The following RNF130 variants were observed in gnomAD, a reference collection of about 807,000 sequenced individuals.
The protein encoded by RNF130 is ring finger protein 130, also known as E3 ubiquitin-protein ligase RNF130.
Under a neutral mutation model 44.6 loss-of-function variants are expected in RNF130, and 21 were observed. The ratio of observed to expected loss-of-function variants is 0.47; its 90% confidence interval spans 0.33 to 0.68. The LOEUF is 0.68. Among genes scored for constraint, RNF130 ranks in the 30% least tolerant of loss-of-function variants. The probability of loss-of-function intolerance (pLI) is 0.02; values close to 1 mark genes in which losing one functional copy is unlikely to be tolerated. For missense variants in RNF130, 479 were observed against 560.6 expected, an observed-to-expected ratio of 0.85 and a Z score of 1.47; for synonymous variants, 214 against 210.4, an observed-to-expected ratio of 1.02 and a Z score of -0.15.
exon 8 of RNF130, chr5:179,918,656 C>T (rs918052864): frequency 6.6e-6 from 1 of 151,982 alleles, no homozygotes; most frequent in Non-Finnish European, 1.5e-5. Flanking sequence ...TTTTATAGTA[C>T]GAAGACTATC....
intron 2 of RNF130, among the ~76,000 whole-genome samples, chr5:180,022,604 C>T (rs1018183912): frequency 1.3e-5 from 2 of 152,158 alleles, no homozygotes; most frequent in African/African-American, 2.4e-5. Flanking sequence ...TTGGAAGCCA[C>T]GGCACACATC....
At chr5:179,932,098 G>A (rs911060466) in intron 7 of RNF130, among the ~76,000 whole-genome samples, 1 of 151,952 alleles carries the variant, frequency 6.6e-6, no homozygotes, top group African/African-American at 2.4e-5. Flanking sequence ...AAAATTTCAG[G>A]TATTTAGCTC....
At chr5:179,936,514 C>T (rs946275073) in intron 7 of RNF130, among the ~76,000 whole-genome samples, 5 of 152,128 alleles carry the variant, frequency 3.3e-5, no homozygotes, top group African/African-American at 1.2e-4. Context: ...CAGGTGTGAG[C>T]CACCACACCT....
At chr5:179,944,495 G>C (rs1211659272) in intron 7 of RNF130, among the ~76,000 whole-genome samples, 2 of 151,900 alleles carry the variant, frequency 1.3e-5, no homozygotes, top group Non-Finnish European at 2.9e-5. Context: ...ATGGAGTCTT[G>C]CTCTGCCGCC....
At chr5:179,929,251 C>T (rs1208620724) in intron 7 of RNF130, among the ~76,000 whole-genome samples, 1 of 152,214 alleles carries the variant, frequency 6.6e-6, no homozygotes, top group East Asian at 1.9e-4. Context: ...AGTGCCACCT[C>T]TGTCATGAGC....
chr5:179,992,459 C>G (rs1027163330), intron 3 of RNF130, among the ~76,000 whole-genome samples: 1 of 152,188 alleles, frequency 6.6e-6, no homozygotes, highest in Admixed American at 6.5e-5. Flanking sequence ...ATTGTTAAAG[C>G]TTTCAAATGT....
intron 1 of RNF130, among the ~76,000 whole-genome samples, chr5:180,065,488 C>T (rs913420396): frequency 2.0e-5 from 3 of 152,144 alleles, no homozygotes; most frequent in South Asian, 2.1e-4. Flanking sequence ...AGGCCGGTCA[C>T]GGTGGCTCAC....
intron 6 of RNF130, among the ~76,000 whole-genome samples, chr5:179,968,031 C>G (rs1190577512): frequency 6.6e-6 from 1 of 152,218 alleles, no homozygotes; most frequent in African/African-American, 2.4e-5. Flanking sequence ...CGCGGTGGCT[C>G]ACGCCTGTAA....
At chr5:179,963,312 A>T (rs1762374029) in intron 8 of RNF130, among the ~76,000 whole-genome samples, 159 bp downstream of exon 8, 1 of 152,252 alleles carries the variant, frequency 6.6e-6, no homozygotes, top group African/African-American at 2.4e-5. Flanking sequence ...CTGACTAAAA[A>T]TATATGCTCA....
chr5:180,048,818 A>C (rs11249665), intron 1 of RNF130, among the ~76,000 whole-genome samples: 125,207 of 152,076 alleles, frequency 0.82, 51,889 homozygotes, highest in South Asian at 0.93. Flanking sequence ...CCAGCAGCAA[A>C]TGAAGTCACA....
chr5:179,984,529 C>T (rs184512929), intron 3 of RNF130, among the ~76,000 whole-genome samples: 143 of 152,140 alleles, frequency 9.4e-4, no homozygotes, highest in African/African-American at 3.3e-3. Context: ...GCTTTTTTGG[C>T]CTGCTAATAT....
intron 1 of RNF130, among the ~76,000 whole-genome samples, chr5:180,044,208 C>A (rs1764501559): frequency 6.6e-6 from 1 of 152,100 alleles, no homozygotes; most frequent in Admixed American, 6.6e-5. Context: ...TTCCGTTTTT[C>A]TTACCTGCCA....
At chr5:179,959,443 C>T (rs248322) in intron 8 of RNF130, among the ~76,000 whole-genome samples, 107,598 of 151,892 alleles carry the variant, frequency 0.71, 39,719 homozygotes, top group African/African-American at 0.92. Flanking sequence ...CTGGCCAAGA[C>T]AGTGAAACCC....
chr5:179,993,484 G>C (rs974180909), intron 3 of RNF130, among the ~76,000 whole-genome samples: 1 of 152,202 alleles, frequency 6.6e-6, no homozygotes, highest in Non-Finnish European at 1.5e-5. Flanking sequence ...GTGATGATGA[G>C]CATTTTTTCA....
At chr5:179,994,486 T>A (rs1182656446) in intron 3 of RNF130, among the ~76,000 whole-genome samples, 1 of 152,178 alleles carries the variant, frequency 6.6e-6, no homozygotes, top group Non-Finnish European at 1.5e-5. Flanking sequence ...TGAATGGGAG[T>A]TCTGGAGTGG....
At chr5:180,071,398 C>A in intron 1 of RNF130, 58 bp downstream of exon 1, 1 of 1,228,378 alleles carries the variant, frequency 8.1e-7, no homozygotes, top group South Asian at 3.9e-5. Flanking sequence ...GAACCCTAGT[C>A]CCGCCGCCTA....
chr5:179,993,354 T>A (rs1316915772), intron 3 of RNF130, among the ~76,000 whole-genome samples: 3 of 152,226 alleles, frequency 2.0e-5, no homozygotes, highest in Non-Finnish European at 4.4e-5. Context: ...TGTAGAAGTG[T>A]TCCTATTTCT....
intron 5 of RNF130, chr5:179,976,937 G>A (rs1762727074): frequency 6.6e-6 from 1 of 152,184 alleles, no homozygotes; most frequent in African/African-American, 2.4e-5. Flanking sequence ...ACTCAGAACT[G>A]TGTATCTTAG....
At chr5:180,057,649 T>C (rs73350028) in intron 1 of RNF130, among the ~76,000 whole-genome samples, 1 of 152,236 alleles carries the variant, frequency 6.6e-6, no homozygotes, top group African/African-American at 2.4e-5. Flanking sequence ...AGAGGATTAT[T>C]ACACCCCCGC....
Sources: gnomAD v4.1 joint callset for allele counts (sites outside exome capture counted in the v4.1 genomes callset) on GRCh38, gnomAD v4.1.1 for gene constraint, MANE v1.5 for transcripts, NCBI Gene and HGNC (gene_info 2026-07-23, HGNC 2026-07-21) for gene names.